The following FER variants were observed in gnomAD, a reference collection of about 807,000 sequenced individuals.
FER encodes FER tyrosine kinase.
Under a neutral mutation model 111.0 loss-of-function variants are expected in FER, and 63 were observed. The observed-to-expected ratio is 0.57, with a 90% CI of 0.46 to 0.70. The LOEUF (loss-of-function observed/expected upper bound fraction) is 0.70, where lower values mean the gene tolerates loss of function less well. Ranked by LOEUF, FER falls within the 30% of genes least tolerant of loss-of-function variation. FER has a pLI of 0.00. For missense variants in FER, 914 were observed against 954.0 expected (o/e 0.96, Z 0.55); for synonymous variants, 327 against 313.9 (o/e 1.04, Z -0.44).
At chr5:108,920,237 G>C (rs570716039) in intron 10 of FER, among the ~76,000 whole-genome samples, 4 of 152,086 alleles carry the variant, frequency 2.6e-5, no homozygotes, top group African/African-American at 9.6e-5. Flanking sequence ...ACATGTGAAG[G>C]CCTTCTTTTT....
At chr5:108,825,745 G>T (rs1759396840) in intron 3 of FER, among the ~76,000 whole-genome samples, 1 of 152,146 alleles carries the variant, frequency 6.6e-6, no homozygotes, top group Admixed American at 6.5e-5. Flanking sequence ...ACAGGCATAA[G>T]AAATTACCAA....
At chr5:109,074,685 C>T (rs568492708) in intron 16 of FER, among the ~76,000 whole-genome samples, 11 of 152,280 alleles carry the variant, frequency 7.2e-5, no homozygotes, top group African/African-American at 9.6e-5. Flanking sequence ...ATCAAAGTAC[C>T]ATTTAGAATC....
chr5:108,883,978 G>T (rs1262599123), intron 9 of FER, among the ~76,000 whole-genome samples: 1 of 151,950 alleles, frequency 6.6e-6, no homozygotes, highest in African/African-American at 2.4e-5. Flanking sequence ...ATTTTGTCTT[G>T]CTGATTTCTG....
At chr5:108,946,300 A>G in intron 11 of FER, 78 bp downstream of exon 11, 8 of 921,734 alleles carry the variant, frequency 8.7e-6, no homozygotes, top group South Asian at 8.4e-5. Flanking sequence ...GAATATATAT[A>G]TATGTGTGTG....
intron 16 of FER, among the ~76,000 whole-genome samples, chr5:109,067,236 G>T (rs953314515): frequency 2.6e-5 from 4 of 150,980 alleles, no homozygotes; most frequent in Admixed American, 1.3e-4. Flanking sequence ...GTTTGTTGTT[G>T]TTGTTGTTGT....
intron 13 of FER, among the ~76,000 whole-genome samples, chr5:108,991,875 T>C (rs574145095): frequency 6.9e-6 from 1 of 144,998 alleles, no homozygotes; most frequent in Non-Finnish European, 1.5e-5. Flanking sequence ...TTTTTTTTTT[T>C]AAATTAATTA....
In FER at chr5:109,043,663, T is replaced by A. The variant is rs544341827; in HGVS notation, c.1714-1017T>A. 9.9e-5 allele frequency among the ~76,000 whole-genome samples: 15 copies of A among 152,188 alleles called. No individual in the cohort carries two copies. In the East Asian group the frequency reaches 2.9e-3, roughly 29 times the overall value. On this transcript the variant is annotated intron_variant, in intron 14 of 19. Transcript: ENST00000281092. ...AGTTACTTCTTGCTCAACAATAGCA[T>A]TAAAGTTTATTATAAAATGTTTGCA...
chr5:108,778,539 G>C (rs1753732488), intron 2 of FER, among the ~76,000 whole-genome samples: 1 of 152,118 alleles, frequency 6.6e-6, no homozygotes. Context: ...AATGTGAGGT[G>C]GTGTCTCAAT....
At chr5:109,077,866 T>C (rs985053947) in intron 16 of FER, among the ~76,000 whole-genome samples, 47 of 152,184 alleles carry the variant, frequency 3.1e-4, no homozygotes, top group African/African-American at 1.1e-3. Flanking sequence ...ATATAATTAG[T>C]TTTTTTGTAA....
At chr5:108,800,095 G>A (rs746939022) in intron 3 of FER, among the ~76,000 whole-genome samples, 2 of 151,746 alleles carry the variant, frequency 1.3e-5, no homozygotes, top group African/African-American at 4.8e-5. Flanking sequence ...TACCTGCCTC[G>A]GTCTCCTGAG....
chr5:108,968,921 ATATAT>A (rs963322508), intron 13 of FER, among the ~76,000 whole-genome samples: 5 of 152,178 alleles, frequency 3.3e-5, no homozygotes, highest in Non-Finnish European at 7.4e-5. Context: ...ATGATTTTAA[ATATAT>A]TAAAGTTGAT....
intron 16 of FER, among the ~76,000 whole-genome samples, chr5:109,087,665 A>G (rs1386053639): frequency 2.0e-5 from 3 of 149,872 alleles, no homozygotes; most frequent in African/African-American, 4.9e-5. Flanking sequence ...AAAGTTTCCA[A>G]TCCTCGGTGC....
chr5:108,812,998 G>C (rs1561456598), intron 3 of FER, among the ~76,000 whole-genome samples: 1 of 151,964 alleles, frequency 6.6e-6, no homozygotes, highest in Non-Finnish European at 1.5e-5. Context: ...TGCTCATTGA[G>C]TTACAGTGTA....
At position 109,143,388 on chromosome 5, in the gene FER, G is replaced by A. The variant is rs927260585; in HGVS notation, c.2049-37359G>A. Among the ~76,000 whole-genome samples the A allele has an allele frequency of 2.0e-5, 3 of 152,124 alleles. 1 individual carries two copies. The South Asian group carries it at 6.2e-4, about 31-fold the overall frequency. ...GAGTATTGAGTTAAAGAAAGGACAA[G>A]CAAAAACATTTGGGAGAAAACAGAA... On this transcript the variant is annotated intron_variant, in intron 17 of 19. Coordinates refer to ENST00000281092, the MANE Select transcript of FER (RefSeq NM_005246.4).
At chr5:109,103,289 G>A (rs781201130) in intron 17 of FER, among the ~76,000 whole-genome samples, 3 of 151,920 alleles carry the variant, frequency 2.0e-5, no homozygotes, top group South Asian at 4.2e-4. Context: ...GTTCACTGAC[G>A]GGAGGTCACT....
At chr5:108,864,415 A>G (rs1034064065) in intron 5 of FER, among the ~76,000 whole-genome samples, 1 of 152,128 alleles carries the variant, frequency 6.6e-6, no homozygotes, top group Non-Finnish European at 1.5e-5. Context: ...CCTCTTTGCA[A>G]AAACCCTCAC....
At chr5:109,149,406 A>G (rs775192804) in intron 17 of FER, among the ~76,000 whole-genome samples, 1 of 152,178 alleles carries the variant, frequency 6.6e-6, no homozygotes, top group East Asian at 1.9e-4. Context: ...GGGGTCCCCA[A>G]CCCACCTCTA....
intron 13 of FER, among the ~76,000 whole-genome samples, chr5:109,036,474 G>A (rs1770418549): frequency 6.6e-6 from 1 of 152,000 alleles, no homozygotes; most frequent in African/African-American, 2.4e-5. Context: ...CAAGATGTCT[G>A]ATTACTTGTT....
chr5:108,959,252 T>C lies in FER; in HGVS notation c.1561T>C (p.Phe521Leu). The change falls in exon 13 of 20, where the codon TTT (phenylalanine) becomes CTT (leucine). Residue 521 changes from phenylalanine to leucine, a missense_variant. Phe to Leu is a conservative substitution (Grantham distance 22). This residue lies in a region of FER where 774 missense variants were observed against 782.6 expected (regional missense o/e 0.99). Coordinates refer to ENST00000281092, the MANE Select transcript of FER (RefSeq NM_005246.4). ...DNMYRFEGTG[F>L]SNIPQLIDHH... The stretch of plus-strand genomic sequence containing the variant: ...CATGTATCGATTCGAGGGCACTGGG[T>C]TTTCAAACATTCCTCAACTTATAGA... 6.2e-7 allele frequency: 1 copy of C among 1,611,536 alleles called. No homozygotes were observed.
Sources: allele counts gnomAD v4.1 joint callset (sites outside exome capture counted in the v4.1 genomes callset), GRCh38; gene constraint gnomAD v4.1.1; regional missense constraint gnomAD v4.1.1; transcripts MANE v1.5; gene names NCBI Gene and HGNC (gene_info 2026-07-23, HGNC 2026-07-21).